BMPR2: variants seen among roughly 807,000 people sequenced by gnomAD.
The protein encoded by BMPR2 is bone morphogenetic protein receptor type 2, also known as bone morphogenetic protein receptor type-2.
A neutral mutation model predicts 100.8 loss-of-function variants in BMPR2; 29 were observed. The ratio of observed to expected loss-of-function variants is 0.29; its 90% CI spans 0.21 to 0.39. The LOEUF is 0.39. BMPR2 is among the 10% of genes least tolerant of loss of function. The pLI, the probability that BMPR2 is intolerant of heterozygous loss-of-function variation, is 1.00. For missense variants in BMPR2, 1,011 were observed against 1,274.5 expected (o/e 0.79, Z 3.15); for synonymous variants, 382 against 442.3 (o/e 0.86, Z 1.71).
chr2:202,489,242 A>G (rs552377558), intron 3 of BMPR2, among the ~76,000 whole-genome samples: 58 of 152,196 alleles, frequency 3.8e-4, no homozygotes, highest in Admixed American at 5.9e-4. Context: ...ACATCAGGCG[A>G]TCCACCCTCC....
intron 1 of BMPR2, among the ~76,000 whole-genome samples, chr2:202,437,180 A>C (rs528943633): frequency 6.7e-6 from 1 of 149,742 alleles, no homozygotes; most frequent in East Asian, 1.9e-4. Flanking sequence ...TAATTTTTAT[A>C]TTTTTAGTAG....
chr2:202,381,593 A>G (rs1367732499), intron 1 of BMPR2, among the ~76,000 whole-genome samples: 1 of 152,242 alleles, frequency 6.6e-6, no homozygotes, highest in Non-Finnish European at 1.5e-5. Context: ...GATGAGGCTA[A>G]TGTAATATTT....
In BMPR2 at chr2:202,555,517, A is replaced by G. The variant is rs1214432167; in HGVS notation, c.1852A>G (p.Thr618Ala). 1 of 1,614,136 alleles carries G rather than the reference A, an allele frequency of 6.2e-7. No homozygotes were observed. Among genetic ancestry groups the G allele is most frequent in the South Asian group, 1.1e-5 (1 of 91,080 alleles). Residue 618 changes from threonine to alanine, a missense_variant, in exon 12 of 13, where the codon ACA (threonine) becomes GCA (alanine). Transcript: ENST00000374580. ...CACCAACACAACAACCACAAACACC[A>G]CAGGACTCACGCCAAGTACTGGCAT... is the stretch of plus-strand genomic sequence containing the variant. ...LSTNTTTTNT[T>A]GLTPSTGMTT... is the part of the protein sequence containing the mutation.
chr2:202,404,673 A>G (rs1480019693), intron 1 of BMPR2, among the ~76,000 whole-genome samples: 2 of 152,116 alleles, frequency 1.3e-5, no homozygotes, highest in African/African-American at 2.4e-5. Context: ...TGGGTTGGGT[A>G]TATTAGGTTG....
intron 9 of BMPR2, among the ~76,000 whole-genome samples, chr2:202,538,867 G>A (rs959331834): frequency 2.0e-5 from 3 of 151,212 alleles, no homozygotes; most frequent in African/African-American, 4.9e-5. Flanking sequence ...GAGACTGTTC[G>A]ATGGGGTATT....
rs1263662316 is a variant in BMPR2, at chr2:202,532,411, T to A, written c.1129-174T>A. Among the ~76,000 whole-genome samples the A allele has an allele frequency of 1.3e-5, 2 of 152,230 alleles. No homozygotes were observed. The highest frequency in any genetic ancestry group is 2.9e-5 in the Non-Finnish European group (2 of 68,044). On this transcript the variant is annotated intron_variant, in intron 8 of 12. Coordinates refer to ENST00000374580, the MANE Select transcript of BMPR2 (RefSeq NM_001204.7). The surrounding 1 kb of genome is among the most constrained non-coding windows in gnomAD (Gnocchi z 4.1). ...CTAAAATGGATTTACCACAGTTTACTTATTCAGGAAGGGCATTTTATAGGT... is the reference window on the plus strand; with the variant it reads ...CTAAAATGGATTTACCACAGTTTACATATTCAGGAAGGGCATTTTATAGGT...
intron 1 of BMPR2, among the ~76,000 whole-genome samples, chr2:202,391,336 C>T (rs979938339): frequency 1.3e-5 from 2 of 151,738 alleles, no homozygotes; most frequent in Non-Finnish European, 2.9e-5. Flanking sequence ...TAGGGCCTTG[C>T]TCTGCCACCC....
intron 3 of BMPR2, among the ~76,000 whole-genome samples, chr2:202,470,344 A>G (rs1331727374): frequency 6.6e-6 from 1 of 152,162 alleles, no homozygotes; most frequent in African/African-American, 2.4e-5. Context: ...CGCTGTCTCA[A>G]AAGATAAAAA....
intron 3 of BMPR2, chr2:202,474,660 A>C (rs1692505725): frequency 6.6e-6 from 1 of 152,082 alleles, no homozygotes. Flanking sequence ...CTGGGACTAC[A>C]GGCGCCTGCC....
intron 10 of BMPR2, among the ~76,000 whole-genome samples, chr2:202,543,604 G>A (rs72926916): frequency 2.1e-4 from 32 of 152,070 alleles, no homozygotes; most frequent in Non-Finnish European, 3.2e-4. Flanking sequence ...CTCTCCGTAA[G>A]TAACTCCCTT....
Position 202,383,672 on chromosome 2 carries a change from C to CA in BMPR2, c.76+6138dup, listed in dbSNP as rs568495261. Among the ~76,000 whole-genome samples the CA allele has an allele frequency of 5.1e-3, 536 of 105,258 alleles. 1 individual carries two copies. Among genetic ancestry groups the CA allele is most frequent in the East Asian group, 0.036 (123 of 3,428 alleles). 69.1% of individuals were successfully genotyped at this position (105,258 alleles called of 152,430 possible). On this transcript the variant is annotated intron_variant, in intron 1 of 12. Transcript: ENST00000374580. ...CTGGGCAACAAGAGCGAAACTCTGT[C>CA]AAAAAAAAAAAAAAAAGAAAAAAAC...
chr2:202,473,404 A>T (rs929911763), intron 3 of BMPR2, among the ~76,000 whole-genome samples: 1 of 152,154 alleles, frequency 6.6e-6, no homozygotes, highest in Non-Finnish European at 1.5e-5. Context: ...GTAATCCAAG[A>T]TTGCGCCAGT....
chr2:202,396,383 A>G (rs984470559), intron 1 of BMPR2, among the ~76,000 whole-genome samples: 2 of 152,214 alleles, frequency 1.3e-5, no homozygotes, highest in Non-Finnish European at 1.5e-5. Flanking sequence ...TGAAGAAAGT[A>G]TTGTAAGGGG....
chr2:202,396,461 C>T (rs1221543899), intron 1 of BMPR2, among the ~76,000 whole-genome samples: 1 of 152,064 alleles, frequency 6.6e-6, no homozygotes, highest in Non-Finnish European at 1.5e-5. Flanking sequence ...TGTAAGAGCT[C>T]AATGATACTG....
At chr2:202,441,020 A>G (rs531049956) in intron 1 of BMPR2, among the ~76,000 whole-genome samples, 17 of 150,302 alleles carry the variant, frequency 1.1e-4, no homozygotes, top group Non-Finnish European at 1.5e-4. Context: ...TGCTCTGGTC[A>G]CCCAGGCTGG....
chr2:202,554,362 G>A (rs1688527511), intron 11 of BMPR2, among the ~76,000 whole-genome samples: 1 of 152,006 alleles, frequency 6.6e-6, no homozygotes, highest in South Asian at 2.1e-4. Flanking sequence ...CGCCTCCTGT[G>A]TCATTCGGCT....
At chr2:202,433,912 A>G (rs956263617) in intron 1 of BMPR2, among the ~76,000 whole-genome samples, 1 of 150,540 alleles carries the variant, frequency 6.6e-6, no homozygotes, top group Non-Finnish European at 1.5e-5. Flanking sequence ...GTCTCAAAAA[A>G]TAAATAAATA....
intron 1 of BMPR2, among the ~76,000 whole-genome samples, chr2:202,405,034 G>GA (rs1268211123): frequency 6.6e-6 from 1 of 151,884 alleles, no homozygotes; most frequent in Non-Finnish European, 1.5e-5. Context: ...TGTTGCCCAG[G>GA]ATGGTATCAA....
At chr2:202,474,765 C>T (rs1415623512) in intron 3 of BMPR2, 1 of 152,202 alleles carries the variant, frequency 6.6e-6, no homozygotes, top group African/African-American at 2.4e-5. Context: ...TCATGATCCG[C>T]CCGCCTCGGC....
Sources: gnomAD v4.1 joint callset for allele counts (sites outside exome capture counted in the v4.1 genomes callset) on GRCh38, gnomAD v4.1.1 for gene constraint, Gnocchi (gnomAD v3.1) non-coding constraint, MANE v1.5 for transcripts, NCBI Gene and HGNC (gene_info 2026-07-23, HGNC 2026-07-21) for gene names.